Variants in KPNA3 observed in about 807,000 individuals in gnomAD.
KPNA3 encodes the protein karyopherin subunit alpha 3.
In KPNA3, 13 loss-of-function variants were observed where a neutral mutation model predicts 73.8. That is an observed-to-expected ratio of 0.18 (90% CI 0.11 to 0.28). The LOEUF is 0.28. Ranked by LOEUF, KPNA3 falls within the 10% of genes least tolerant of loss-of-function variation. KPNA3 has a pLI of 1.00. For synonymous variants in KPNA3, 186 were observed against 206.9 expected (o/e 0.90, Z 0.87); for missense variants, 360 against 618.1 (o/e 0.58, Z 4.43).
At chr13:49,746,084 A>C (rs1263532877) in intron 2 of KPNA3, among the ~76,000 whole-genome samples, 1 of 138,230 alleles carries the variant, frequency 7.2e-6, no homozygotes, top group Admixed American at 7.2e-5. Context: ...AAAAAAAAAA[A>C]GAAACGTGTA....
At chr13:49,722,215 G>A (rs1566338357) in intron 8 of KPNA3, 91 bp from the exon 9 acceptor site, 11 of 879,444 alleles carry the variant, frequency 1.3e-5, no homozygotes, top group East Asian at 2.8e-5. Flanking sequence ...GAACACTGAC[G>A]TTCTATGTTT....
At chr13:49,728,330 C>T (rs914550415) in intron 6 of KPNA3, among the ~76,000 whole-genome samples, 2 of 151,940 alleles carry the variant, frequency 1.3e-5, no homozygotes, top group East Asian at 1.9e-4. Context: ...TAATCTTGGT[C>T]GTGCCCTAAC....
In KPNA3 at chr13:49,712,446, AT is replaced by A. The variant is rs1463567901; in HGVS notation, c.772-1425del. ...GACATGATAGAAGGGGGAAAAAAAA[AT>A]AAATGAACCCAAAGATACATCAATA... On this transcript the variant is annotated intron_variant, in intron 10 of 16. Transcript: ENST00000261667. Among the ~76,000 whole-genome samples, 22 of 152,298 alleles carry A rather than the reference AT, an allele frequency of 1.4e-4. No homozygotes were observed. The South Asian group carries it at 2.1e-3, about 14-fold the overall frequency.
intron 10 of KPNA3, among the ~76,000 whole-genome samples, chr13:49,718,737 G>C (rs1038728508): frequency 6.6e-6 from 1 of 152,004 alleles, no homozygotes; most frequent in African/African-American, 2.4e-5. Context: ...TGACATTTTA[G>C]GCTGTGTCAA....
At chr13:49,791,745 T>C (rs1955034749) in intron 1 of KPNA3, among the ~76,000 whole-genome samples, 2 of 152,196 alleles carry the variant, frequency 1.3e-5, no homozygotes, top group African/African-American at 4.8e-5. Context: ...GGCAAACTAT[T>C]GTCCACCTTC....
chr13:49,723,579 A>T (rs973808987), intron 7 of KPNA3, among the ~76,000 whole-genome samples: 10 of 151,278 alleles, frequency 6.6e-5, no homozygotes, highest in East Asian at 1.9e-4. Context: ...AAAAAAAAAA[A>T]ATATCATACT....
At chr13:49,728,158 C>T (rs1954428587) in intron 6 of KPNA3, among the ~76,000 whole-genome samples, 1 of 151,630 alleles carries the variant, frequency 6.6e-6, no homozygotes, top group Non-Finnish European at 1.5e-5. Flanking sequence ...TGGTGTGAAC[C>T]CAGGAGGCGG....
intron 1 of KPNA3, among the ~76,000 whole-genome samples, chr13:49,753,238 G>C (rs1402879136): frequency 6.6e-6 from 1 of 151,972 alleles, no homozygotes; most frequent in African/African-American, 2.4e-5. Context: ...AGTACCTGGG[G>C]AATCCATCCA....
intron 12 of KPNA3, among the ~76,000 whole-genome samples, chr13:49,708,558 A>G (rs553460536): frequency 5.3e-5 from 8 of 152,350 alleles, no homozygotes; most frequent in African/African-American, 1.9e-4. Flanking sequence ...CGGGAACTCA[A>G]ATAGGTATTT....
At chr13:49,723,501 G>A (rs968510374) in intron 7 of KPNA3, among the ~76,000 whole-genome samples, 12 of 152,000 alleles carry the variant, frequency 7.9e-5, no homozygotes, top group Middle Eastern at 3.4e-3. Flanking sequence ...CCAGGGAGAC[G>A]GAGGTTGCAG....
chr13:49,771,229 C>T (rs778291372), intron 1 of KPNA3, among the ~76,000 whole-genome samples: 9 of 151,974 alleles, frequency 5.9e-5, no homozygotes, highest in Non-Finnish European at 7.4e-5. Context: ...CATTGAATCT[C>T]TTAGTTCATT....
At position 49,701,664 on chromosome 13, in the gene KPNA3, A is replaced by G. The variant is rs1954149043; in HGVS notation, c.*136T>C. 1 of 772,912 alleles carries G rather than the reference A, an allele frequency of 1.3e-6. No homozygotes were observed. The highest frequency in any genetic ancestry group is 2.4e-6 in the Non-Finnish European group (1 of 416,234). 47.9% of individuals were successfully genotyped at this position (772,912 alleles called of 1,614,324 possible). On this transcript the variant is annotated 3_prime_UTR_variant, in exon 17 of 17. Transcript: ENST00000261667. ...TTGGCAACTGCAAAGTGACTGAGAC[A>G]TGGCTTGCTTTAGAAGCATCAAAAC... is the stretch of plus-strand genomic sequence containing the variant.
At chr13:49,735,341 C>G (rs1040067210) in intron 2 of KPNA3, among the ~76,000 whole-genome samples, 1 of 152,020 alleles carries the variant, frequency 6.6e-6, no homozygotes, top group Non-Finnish European at 1.5e-5. Flanking sequence ...AGGCTGGTCT[C>G]GAACTCCTGA....
chr13:49,757,849 G>A (rs1271279624), intron 1 of KPNA3, among the ~76,000 whole-genome samples: 1 of 152,122 alleles, frequency 6.6e-6, no homozygotes, highest in Non-Finnish European at 1.5e-5. Context: ...ACAAACTGCT[G>A]ATACAAACAA....
At chr13:49,712,744 AT>A (rs1222877599) in intron 10 of KPNA3, among the ~76,000 whole-genome samples, 3 of 150,910 alleles carry the variant, frequency 2.0e-5, no homozygotes, top group Non-Finnish European at 2.9e-5. Context: ...AAGTAAAAAA[AT>A]ATATCATTTA....
intron 1 of KPNA3, among the ~76,000 whole-genome samples, chr13:49,747,566 T>A (rs1954629382): frequency 6.6e-6 from 1 of 152,080 alleles, no homozygotes; most frequent in South Asian, 2.1e-4. Context: ...GCCCCTGTAC[T>A]CCCAGCTACT....
At chr13:49,754,995 A>G (rs1954698402) in intron 1 of KPNA3, among the ~76,000 whole-genome samples, 1 of 152,182 alleles carries the variant, frequency 6.6e-6, no homozygotes, top group African/African-American at 2.4e-5. Flanking sequence ...ACAGATGGGT[A>G]CACTTCTCAA....
chr13:49,742,695 G>A (rs1954584156), intron 2 of KPNA3, among the ~76,000 whole-genome samples: 1 of 152,116 alleles, frequency 6.6e-6, no homozygotes, highest in South Asian at 2.1e-4. Context: ...ATCACTTTGG[G>A]TAGTACTGAT....
intron 9 of KPNA3, among the ~76,000 whole-genome samples, chr13:49,721,134 G>A (rs552646646): frequency 3.3e-5 from 5 of 151,880 alleles, no homozygotes; most frequent in East Asian, 3.9e-4. Context: ...CACGAGACTC[G>A]CTTGAACCCA....
Sources: allele counts gnomAD v4.1 joint callset (sites outside exome capture counted in the v4.1 genomes callset), GRCh38; gene constraint gnomAD v4.1.1; transcripts MANE v1.5; gene names NCBI Gene and HGNC (gene_info 2026-07-23, HGNC 2026-07-21).